ZNF816: variants seen among roughly 807,000 people sequenced by gnomAD.
ZNF816 encodes the protein zinc finger protein 816A.
Under a neutral mutation model 8.3 loss-of-function variants are expected in ZNF816, and 11 were observed. The ratio of observed to expected loss-of-function variants is 1.32; its 90% CI spans 0.83 to 2.19. ZNF816 has a LOEUF of 2.19. Ranked by LOEUF, ZNF816 falls within the 30% of genes most tolerant of loss-of-function variation. The probability of loss-of-function intolerance (pLI) is 0.00; values close to 1 mark genes in which losing one functional copy is unlikely to be tolerated. For missense variants in ZNF816, 710 were observed against 779.3 expected (o/e 0.91, Z 1.06); for synonymous variants, 255 against 254.5 (o/e 1.00, Z -0.02).
Position 52,950,873 on chromosome 19 carries a change from A to T in ZNF816, c.902T>A (p.Val301Glu), listed in dbSNP as rs1429008899. The T allele has an allele frequency of 6.2e-7, 1 of 1,613,888 alleles. No homozygotes were observed. Residue 301 changes from valine to glutamate, a missense_variant, in exon 4 of 4, where the codon GTA (valine) becomes GAA (glutamate). By Grantham distance (121) the Val-to-Glu change is moderately radical. Transcript: ENST00000444460. ...GKTFTQMSSLVCHRRLHTGEK... is the reference protein window; with the variant it reads ...GKTFTQMSSLECHRRLHTGEK... ...TCCAGTATGAAGTCTACGATGGCAT[A>T]CAAGGGATGACATCTGAGTGAAGGT...
rs1387470107 is a variant in ZNF816, at chr19:52,950,599, A to C, written c.1176T>G (p.Thr392=). ...SSLQCHHILH[T]GEKPYKCEEC... Reference sequence around the variant, plus strand: ...CTTCACATTTGTAAGGTTTCTCTCCAGTGTGAAGTATATGATGGCATTGAA... The same window carrying C: ...CTTCACATTTGTAAGGTTTCTCTCCCGTGTGAAGTATATGATGGCATTGAA... Residue 392 remains threonine (T), a synonymous_variant, in exon 4 of 4, where the codon ACT becomes ACG. Transcript: ENST00000444460. The C allele has an allele frequency of 6.2e-7, 1 of 1,614,044 alleles. No individual in the cohort carries two copies. The highest frequency in any genetic ancestry group is 8.5e-7 in the Non-Finnish European group (1 of 1,180,034).
At position 52,949,843 on chromosome 19, in the gene ZNF816, C is replaced by T; in HGVS notation, c.1932G>A (p.Gly644=). The change falls in exon 4 of 4, where the codon GGG becomes GGA. Residue 644 remains glycine, a synonymous_variant. Coordinates refer to ENST00000444460, the MANE Select transcript of ZNF816 (RefSeq NM_001202457.3). ...STLIHHQAIH[G]CRETLQM ...ATTACATTTGTAAAGTTTCCCTACA[C>T]CCATGGATTGCTTGATGGTGAATAA... 1 of 1,613,566 alleles carries T rather than the reference C, an allele frequency of 6.2e-7. No individual in the cohort carries two copies. Among genetic ancestry groups the T allele is most frequent in the Non-Finnish European group, 8.5e-7 (1 of 1,179,692 alleles).
At chr19:52,961,412 T>A (rs565503469) in intron 1 of ZNF816, among the ~76,000 whole-genome samples, 18 of 152,328 alleles carry the variant, frequency 1.2e-4, no homozygotes, top group Non-Finnish European at 2.5e-4. Flanking sequence ...ATGTTTGTCA[T>A]GAGGCAGAGG....
At position 52,950,515 on chromosome 19, in the gene ZNF816, A is replaced by G. The variant is rs2083447224; in HGVS notation, c.1260T>C (p.Thr420=). 8.1e-6 allele frequency: 13 copies of G among 1,613,200 alleles called. No individual in the cohort carries two copies. The highest frequency in any genetic ancestry group is 2.7e-5 in the African/African-American group (2 of 74,718). Residue 420 remains threonine, a synonymous_variant, in exon 4 of 4, where the codon ACT becomes ACC. Transcript: ENST00000444460. ...SHLERHRKIH[T]GEGSYKCKVC... is the part of the protein sequence containing the mutation. ...CCTTACATTTGTATGATCCCTCTCC[A>G]GTATGAATCTTCCTATGTCTTTCAA...
At chr19:52,959,091 G>A (rs1249061790) in intron 1 of ZNF816, among the ~76,000 whole-genome samples, 1 of 152,336 alleles carries the variant, frequency 6.6e-6, no homozygotes, top group Admixed American at 6.5e-5. Context: ...AAACTAAATG[G>A]GGATTCTAAA....
Position 52,951,068 on chromosome 19 carries a change from T to C in ZNF816, c.707A>G (p.Lys236Arg), listed in dbSNP as rs147910359. 4.7e-4 allele frequency: 759 copies of C among 1,614,100 alleles called. 3 individuals are homozygous for C. Among genetic ancestry groups the C allele is most frequent in the Middle Eastern group, 9.9e-4 (6 of 6,062 alleles). Residue 236 changes from lysine to arginine, a missense_variant, in exon 4 of 4, where the codon AAA becomes AGA. Transcript: ENST00000444460. ...TAAGAGTGAGCTATAATTAAAGGCT[T>C]TGCCACACTCATTACTTTGGCAAGG... Reference protein sequence around the residue: ...EKPCQSNECGKAFNYSSLLRR... With the variant: ...EKPCQSNECGRAFNYSSLLRR...
chr19:52,953,664 T>G (rs1210565247), intron 2 of ZNF816, among the ~76,000 whole-genome samples: 2 of 140,780 alleles, frequency 1.4e-5, no homozygotes, highest in East Asian at 3.9e-4. Flanking sequence ...CAATATTGTA[T>G]CATATATTAT....
intron 1 of ZNF816, among the ~76,000 whole-genome samples, chr19:52,959,202 A>G (rs2083535713): frequency 2.0e-5 from 3 of 152,230 alleles, no homozygotes; most frequent in Non-Finnish European, 2.9e-5. Flanking sequence ...AAGGCCCCCC[A>G]TGCTGTGGTG....
At chr19:52,961,368 TTAAC>T (rs1260276190) in intron 1 of ZNF816, among the ~76,000 whole-genome samples, 4 of 152,212 alleles carry the variant, frequency 2.6e-5, no homozygotes, top group Non-Finnish European at 5.9e-5. Flanking sequence ...TGTGGCTCTC[TTAAC>T]TAAGAAAGGA....
chr19:52,954,826 A>AC (rs1301179383), intron 2 of ZNF816, among the ~76,000 whole-genome samples: 1 of 151,798 alleles, frequency 6.6e-6, no homozygotes, highest in African/African-American at 2.4e-5. Flanking sequence ...AAAAAAAAAA[A>AC]AAAAACCCCA....
rs200154867 is a variant in ZNF816, at chr19:52,950,318, C to T, written c.1457G>A (p.Cys486Tyr). 4.3e-6 allele frequency: 7 copies of T among 1,613,900 alleles called. No homozygotes were observed. Among genetic ancestry groups the T allele is most frequent in the African/African-American group, 1.3e-5 (1 of 74,988 alleles). Reference protein sequence around the residue: ...TGEKPYTCNECGKVFSRRENL... With the variant: ...TGEKPYTCNEYGKVFSRRENL... ...TTCTCTTCGACTAAAAACCTTGCCACATTCATTACATGTGTAAGGTTTCTC... is the reference window on the plus strand; with the variant it reads ...TTCTCTTCGACTAAAAACCTTGCCATATTCATTACATGTGTAAGGTTTCTC... The change falls in exon 4 of 4, where the codon TGT (cysteine) becomes TAT (tyrosine). Residue 486 changes from cysteine to tyrosine, a missense_variant. Transcript: ENST00000444460.
Position 52,957,228 on chromosome 19 carries a change from GC to G in ZNF816, c.-15-1125del, listed in dbSNP as rs2083518103. Among the ~76,000 whole-genome samples the G allele has an allele frequency of 6.6e-6, 1 of 152,126 alleles. No homozygotes were observed. The highest frequency in any genetic ancestry group is 6.6e-5 in the Admixed American group (1 of 15,264). On this transcript the variant is annotated intron_variant, in intron 1 of 3. Coordinates refer to ENST00000444460, the MANE Select transcript of ZNF816 (RefSeq NM_001202457.3). This position sits in a 1 kb window ranked among gnomAD's most constrained non-coding sequence, Gnocchi z 4.6. Reference sequence around the variant, plus strand: ...CATTTCTTGGTTCCCTGACTTGGAAGCGAGGTAATTAACAGAAGGTCGAGGC... The same window carrying G: ...CATTTCTTGGTTCCCTGACTTGGAAGGAGGTAATTAACAGAAGGTCGAGGC...
intron 1 of ZNF816, among the ~76,000 whole-genome samples, chr19:52,960,660 G>C (rs10408610): frequency 6.6e-6 from 1 of 151,958 alleles, no homozygotes; most frequent in African/African-American, 2.4e-5. Flanking sequence ...CTTTCTCCCC[G>C]GGTGATTGAG....
intron 1 of ZNF816, among the ~76,000 whole-genome samples, chr19:52,962,255 A>G (rs1467485229): frequency 1.3e-5 from 2 of 152,134 alleles, no homozygotes; most frequent in Non-Finnish European, 2.9e-5. Flanking sequence ...CATCTCCAAC[A>G]ACAAAGAAGA....
intron 1 of ZNF816, among the ~76,000 whole-genome samples, chr19:52,962,216 G>A (rs112116441): frequency 0.014 from 2,174 of 152,188 alleles, 55 homozygotes; most frequent in African/African-American, 0.05. Flanking sequence ...TCCAGGCACA[G>A]GCTATACTAG....
chr19:52,955,878 G>A (rs577341835), intron 2 of ZNF816, 149 bp downstream of exon 2: 39 of 1,026,698 alleles, frequency 3.8e-5, no homozygotes, highest in Non-Finnish European at 4.9e-5. Context: ...GAATTTAAGT[G>A]AAGATGAGAG....
Position 52,952,842 on chromosome 19 carries a change from G to T in ZNF816, c.99C>A (p.Phe33Leu), listed in dbSNP as rs151124879. 1 of 1,612,594 alleles carries T rather than the reference G, an allele frequency of 6.2e-7. No individual in the cohort carries two copies. The highest frequency in any genetic ancestry group is 8.5e-7 in the Non-Finnish European group (1 of 1,179,530). The change falls in exon 3 of 4, where the codon TTC (phenylalanine) becomes TTA (leucine). Residue 33 changes from phenylalanine to leucine, a missense_variant. Phe to Leu is a conservative substitution (Grantham distance 22). Coordinates refer to ENST00000444460, the MANE Select transcript of ZNF816 (RefSeq NM_001202457.3). ...TCAGGCATTTCCACTCCTCCAAAGAGAACTCTATAGCCACATCCCTGAAAG... is the reference window on the plus strand; with the variant it reads ...TCAGGCATTTCCACTCCTCCAAAGATAACTCTATAGCCACATCCCTGAAAG... ...RLTFRDVAIE[F>L]SLEEWKCLNP...
intron 1 of ZNF816, among the ~76,000 whole-genome samples, chr19:52,958,037 G>C (rs1341014495): frequency 6.6e-6 from 1 of 152,166 alleles, no homozygotes; most frequent in Non-Finnish European, 1.5e-5. Context: ...GGTACTTATA[G>C]AAGTTAAGCG....
intron 1 of ZNF816, among the ~76,000 whole-genome samples, chr19:52,961,571 C>T (rs189566302): frequency 8.3e-4 from 126 of 152,314 alleles, no homozygotes; most frequent in African/African-American, 2.9e-3. Flanking sequence ...CACTAATTCC[C>T]TAGACCCCCG....
Sources: allele counts gnomAD v4.1 joint callset (sites outside exome capture counted in the v4.1 genomes callset), GRCh38; gene constraint gnomAD v4.1.1; non-coding constraint Gnocchi (gnomAD v3.1); transcripts MANE v1.5; gene names NCBI Gene and HGNC (gene_info 2026-07-23, HGNC 2026-07-21).